The following RASL12 variants were observed in gnomAD, a reference collection of about 807,000 sequenced individuals.
The protein encoded by RASL12 is RAS like family 12, also known as ras-like protein family member 12.
A neutral mutation model predicts 22.9 loss-of-function variants in RASL12; 16 were observed. The ratio of observed to expected loss-of-function variants is 0.70; its 90% CI spans 0.47 to 1.06. The LOEUF is 1.06. RASL12 is among the 50% of genes least tolerant of loss of function. The pLI is 0.00. For missense variants in RASL12, 306 were observed against 353.1 expected, an observed-to-expected ratio of 0.87 and a Z score of 1.07; for synonymous variants, 159 against 152.2, an observed-to-expected ratio of 1.04 and a Z score of -0.33.
intron 1 of RASL12, 147 bp from the exon 2 acceptor site, chr15:65,065,420 G>A (rs1250241043): frequency 1.2e-5 from 9 of 762,976 alleles, no homozygotes; most frequent in Non-Finnish European, 1.9e-5. Flanking sequence ...GGGAACTGAG[G>A]AATTGGTTTG....
chr15:65,057,933 A>G (rs573833043), intron 4 of RASL12, among the ~76,000 whole-genome samples: 1 of 152,308 alleles, frequency 6.6e-6, no homozygotes, highest in African/African-American at 2.4e-5. Context: ...TTTCCCTTCA[A>G]GTCCTTGGCT....
chr15:65,076,510 T>G, intron 1 of RASL12: 1 of 692,696 alleles, frequency 1.4e-6, no homozygotes, highest in Non-Finnish European at 2.6e-6. Flanking sequence ...CACGCTACCT[T>G]AAGAGCTGTA....
Position 65,053,583 on chromosome 15 carries a change from G to A in RASL12, c.*1316C>T. The A allele has an allele frequency of 1.0e-6, 1 of 1,000,910 alleles. No individual in the cohort carries two copies. The highest frequency in any genetic ancestry group is 1.7e-5 in the African/African-American group (1 of 57,474). The allele number at this position is 1,000,910 out of a possible 1,614,324, so 62.0% of individuals were successfully genotyped here. A position where few individuals can be genotyped will look rare whatever the true frequency, so the allele number is the denominator to read the frequency against. Reference sequence around the variant, plus strand: ...ATTTACAGAATGAGTCCGAAGACTGGGTCAGAGATGCTGTTTGCAATCCAA... The same window carrying A: ...ATTTACAGAATGAGTCCGAAGACTGAGTCAGAGATGCTGTTTGCAATCCAA... On this transcript the variant is annotated 3_prime_UTR_variant, in exon 5 of 5. Coordinates refer to ENST00000220062, the MANE Select transcript of RASL12 (RefSeq NM_016563.4).
chr15:65,067,720 C>T lies in RASL12; in HGVS notation c.103+13G>A, dbSNP rs1414960527. ...TCCGCACTTGGCGGCTCAGGCTCCC[C>T]GGCGCCACTCACCAGACTTGCCAGC... On this transcript the variant is annotated intron_variant, in intron 1 of 4. Coordinates refer to ENST00000220062, the MANE Select transcript of RASL12 (RefSeq NM_016563.4). 5 of 1,544,716 alleles carry T rather than the reference C, an allele frequency of 3.2e-6. No homozygotes were observed. In the East Asian group the frequency reaches 1.0e-4, roughly 32 times the overall value.
At chr15:65,059,273 C>T in intron 3 of RASL12, 72 bp downstream of exon 3, 1 of 1,339,392 alleles carries the variant, frequency 7.5e-7, no homozygotes, top group African/African-American at 1.4e-5. Flanking sequence ...TGAGGTCCCG[C>T]ACTCTGGGCC....
At chr15:65,068,300 C>G (rs1467648541), upstream of RASL12, 6 of 985,128 alleles carry the variant, frequency 6.1e-6, no homozygotes, top group Non-Finnish European at 7.2e-6. The surrounding 1 kb of genome is among the most constrained non-coding windows in gnomAD (Gnocchi z 4.2). Flanking sequence ...TTTTCACCAG[C>G]AAGAAAATCC....
chr15:65,048,145 CACT>C, the RASL12 span, among the ~76,000 whole-genome samples: 1 of 151,306 alleles, frequency 6.6e-6, no homozygotes, highest in Non-Finnish European at 1.5e-5. Context: ...CACGTCACTG[CACT>C]CCAGCCTGGG....
At position 65,054,983 on chromosome 15, in the gene RASL12, C is replaced by T; in HGVS notation, c.717G>A (p.Lys239=). ...CCCGGGATGACTTCACGGTGACCAG[C>T]TTGGCCTGGGCCACAGTGGGCATCT... ...LKEMPTVAQA[K]LVTVKSSRAQ... Residue 239 remains lysine (K), a synonymous_variant, in exon 5 of 5, where the codon AAG becomes AAA. Transcript: ENST00000220062. 6.2e-7 allele frequency: 1 copy of T among 1,614,166 alleles called. No individual in the cohort carries two copies. Among genetic ancestry groups the T allele is most frequent in the Non-Finnish European group, 8.5e-7 (1 of 1,180,006 alleles).
At chr15:65,056,716 TG>T (rs1193454651) in intron 4 of RASL12, among the ~76,000 whole-genome samples, 8 of 152,130 alleles carry the variant, frequency 5.3e-5, no homozygotes, top group Non-Finnish European at 7.3e-5. Context: ...CTTTTAACAG[TG>T]AGACAGTCGT....
At chr15:65,048,429 T>C (rs1003918642), downstream of RASL12, among the ~76,000 whole-genome samples, 11 of 152,238 alleles carry the variant, frequency 7.2e-5, no homozygotes, top group Admixed American at 5.2e-4. Context: ...TCTGTCTGGC[T>C]GTTTGCCATC....
At chr15:65,075,706 A>T (rs2086962789) in intron 1 of RASL12, among the ~76,000 whole-genome samples, 2 of 151,542 alleles carry the variant, frequency 1.3e-5, no homozygotes, top group African/African-American at 4.9e-5. Flanking sequence ...TAAATACACC[A>T]ATTGGCACTC....
At chr15:65,057,827 G>T (rs960351941) in intron 4 of RASL12, among the ~76,000 whole-genome samples, 1 of 152,180 alleles carries the variant, frequency 6.6e-6, no homozygotes, top group Non-Finnish European at 1.5e-5. Flanking sequence ...CATGCAAGAA[G>T]GGTGAGTCCA....
chr15:65,065,205 G>A lies in RASL12; in HGVS notation c.160+12C>T. 3 of 1,611,508 alleles carry A rather than the reference G, an allele frequency of 1.9e-6. No individual in the cohort carries two copies. The highest frequency in any genetic ancestry group is 2.2e-5 in the South Asian group (2 of 90,232). On this transcript the variant is annotated intron_variant, in intron 2 of 4. Transcript: ENST00000220062. ...GCACAGGCAGCAGAAGGTACGGGGA[G>A]TAGTTTCTTACCCAAGTTGGGGTCA... is the stretch of plus-strand genomic sequence containing the variant.
At chr15:65,056,497 T>C (rs1031897070) in intron 4 of RASL12, among the ~76,000 whole-genome samples, 5 of 152,162 alleles carry the variant, frequency 3.3e-5, no homozygotes, top group African/African-American at 1.2e-4. Flanking sequence ...CACTTGCTAT[T>C]ATTTGCTTTT....
chr15:65,052,106 G>T (rs910013688), downstream of RASL12, among the ~76,000 whole-genome samples: 4 of 152,184 alleles, frequency 2.6e-5, no homozygotes, highest in African/African-American at 9.7e-5. Flanking sequence ...TAAGGAAGTG[G>T]GCAGTGGGAG....
chr15:65,074,064 C>T (rs988736141), intron 1 of RASL12, among the ~76,000 whole-genome samples: 4 of 152,206 alleles, frequency 2.6e-5, no homozygotes, highest in African/African-American at 9.6e-5. Context: ...AGGGTTGCTA[C>T]CTTTCCCATT....
At chr15:65,058,011 C>T (rs1020414370) in intron 4 of RASL12, among the ~76,000 whole-genome samples, 1 of 152,322 alleles carries the variant, frequency 6.6e-6, no homozygotes, top group South Asian at 2.1e-4. Flanking sequence ...GTGGCTCACG[C>T]CTGTAATCCC....
intron 2 of RASL12, among the ~76,000 whole-genome samples, chr15:65,063,733 T>C (rs1159649787): frequency 6.6e-6 from 1 of 152,214 alleles, no homozygotes; most frequent in Non-Finnish European, 1.5e-5. Flanking sequence ...GGGATTCTGC[T>C]ACCTAAGGAA....
At position 65,053,806 on chromosome 15, in the gene RASL12, T is replaced by G. The variant is rs540235359; in HGVS notation, c.*1093A>C. The G allele has an allele frequency of 1.0e-6, 1 of 986,170 alleles. No individual in the cohort carries two copies. Among genetic ancestry groups the G allele is most frequent in the Middle Eastern group, 5.2e-4 (1 of 1,914 alleles). The allele number at this position is 986,170 out of a possible 1,614,324, so 61.1% of individuals were successfully genotyped here. ...CTGCCTGCCTTGGACAGCCTTTTCT[T>G]GCTAACAGTGGGATCTCAAAGGTGT... is the stretch of plus-strand genomic sequence containing the variant. On this transcript the variant is annotated 3_prime_UTR_variant, in exon 5 of 5. Transcript: ENST00000220062.
Sources: allele counts gnomAD v4.1 joint callset (sites outside exome capture counted in the v4.1 genomes callset), GRCh38; gene constraint gnomAD v4.1.1; non-coding constraint Gnocchi (gnomAD v3.1); transcripts MANE v1.5; gene names NCBI Gene and HGNC (gene_info 2026-07-23, HGNC 2026-07-21).